The following AQR variants were observed in gnomAD, a reference collection of about 807,000 sequenced individuals.
The protein encoded by AQR is aquarius intron-binding spliceosomal factor.
AQR carries 61 observed loss-of-function variants against 180.5 expected under a neutral mutation model. The ratio of observed to expected loss-of-function variants is 0.34; its 90% CI spans 0.28 to 0.42. The LOEUF (loss-of-function observed/expected upper bound fraction) is 0.42, where lower values mean the gene tolerates loss of function less well. Ranked by LOEUF, AQR falls within the 10% of genes least tolerant of loss-of-function variation. The pLI is 1.00. For missense variants in AQR, 1,281 were observed against 1,798.3 expected, an observed-to-expected ratio of 0.71 and a Z score of 5.20; for synonymous variants, 551 against 588.8, an observed-to-expected ratio of 0.94 and a Z score of 0.93.
At chr15:34,924,435 CTT>C (rs1225763729) in intron 13 of AQR, among the ~76,000 whole-genome samples, 11 of 145,110 alleles carry the variant, frequency 7.6e-5, no homozygotes, top group Admixed American at 2.1e-4. Context: ...AATCAATATA[CTT>C]TTTTTTTTTT....
intron 16 of AQR, among the ~76,000 whole-genome samples, chr15:34,914,502 T>G (rs1223945061): frequency 1.3e-5 from 2 of 152,152 alleles, no homozygotes; most frequent in Non-Finnish European, 2.9e-5. Context: ...TTCCACAGAA[T>G]CTATGGGTAG....
In AQR at chr15:34,856,937, G is replaced by A. The variant is rs190121355; in HGVS notation, c.4313C>T (p.Thr1438Ile). Residue 1438 changes from threonine (T) to isoleucine (I), a missense_variant, in exon 35 of 35, where the codon ACC becomes ATC. Around this residue, in one of 9 missense-constraint regions of AQR, gnomAD observed 182 missense variants for 185.3 expected, o/e 0.98. Coordinates refer to ENST00000156471, the MANE Select transcript of AQR (RefSeq NM_014691.3). ...GGAAGTGGCTCCTGTCTCACTGGGG[G>A]TGGTGTCAGTTTGAAAGGCTGGAGT... ...QETPAFQTDT[T>I]PSETGATSTP... 6.4e-5 allele frequency: 103 copies of A among 1,614,108 alleles called. No individual in the cohort carries two copies. The highest frequency in any genetic ancestry group is 8.5e-5 in the Non-Finnish European group (100 of 1,179,994).
intron 23 of AQR, 32 bp downstream of exon 23, chr15:34,893,607 GCACACACACACACACACACACACA>G (rs386382691): frequency 1.8e-5 from 18 of 999,556 alleles, no homozygotes; most frequent in East Asian, 2.8e-5. Flanking sequence ...GCGCATGCGT[GCACACACACACACACACACACACA>G]CACACACACA....
At chr15:34,898,681 G>A (rs896480697) in intron 20 of AQR, among the ~76,000 whole-genome samples, 3 of 151,956 alleles carry the variant, frequency 2.0e-5, no homozygotes, top group East Asian at 1.9e-4. Flanking sequence ...TCAGGAGATC[G>A]AGACCATCCT....
intron 34 of AQR, among the ~76,000 whole-genome samples, chr15:34,859,539 C>G (rs1316373696): frequency 6.6e-6 from 1 of 152,148 alleles, no homozygotes; most frequent in African/African-American, 2.4e-5. Context: ...CCATTCCACT[C>G]TTAGGTATCT....
intron 20 of AQR, among the ~76,000 whole-genome samples, chr15:34,899,164 T>C (rs557153928): frequency 6.6e-6 from 1 of 151,272 alleles, no homozygotes; most frequent in Non-Finnish European, 1.5e-5. Flanking sequence ...AGAGCAAGAC[T>C]CCATCTCAAA....
chr15:34,892,157 C>T (rs1016768011), intron 23 of AQR, among the ~76,000 whole-genome samples: 15 of 152,116 alleles, frequency 9.9e-5, no homozygotes, highest in Non-Finnish European at 1.5e-5. Flanking sequence ...TAATATGCTT[C>T]AGGATGTTCT....
At chr15:34,893,336 T>C (rs908007697) in intron 23 of AQR, among the ~76,000 whole-genome samples, 1 of 152,040 alleles carries the variant, frequency 6.6e-6, no homozygotes, top group Non-Finnish European at 1.5e-5. Context: ...TTTCTAAATA[T>C]GGTCACTGCG....
chr15:34,915,440 T>TCACC (rs1893567655), intron 15 of AQR, among the ~76,000 whole-genome samples: 5 of 151,452 alleles, frequency 3.3e-5, no homozygotes, highest in Non-Finnish European at 5.9e-5. Flanking sequence ...TCTGCCCACC[T>TCACC]TGGCCTCCCA....
At chr15:34,913,202 T>C (rs1251370456) in intron 16 of AQR, among the ~76,000 whole-genome samples, 1 of 152,182 alleles carries the variant, frequency 6.6e-6, no homozygotes, top group African/African-American at 2.4e-5. Flanking sequence ...TCAATCCCTG[T>C]TACCAAACCC....
At position 34,856,753 on chromosome 15, in the gene AQR, T is replaced by C. The variant is rs754669333; in HGVS notation, c.*39A>G. On this transcript the variant is annotated 3_prime_UTR_variant, in exon 35 of 35. Transcript: ENST00000156471. The stretch of plus-strand genomic sequence containing the variant: ...CAAAAAACAGCTTTACTCAGACTTT[T>C]TGACTGCCATGTCCTCCTTTAGAAG... 1.4e-6 allele frequency: 2 copies of C among 1,437,972 alleles called. No homozygotes were observed. The highest frequency in any genetic ancestry group is 1.8e-6 in the Non-Finnish European group (2 of 1,088,428). 89.1% of individuals were successfully genotyped at this position (1,437,972 alleles called of 1,614,324 possible).
Position 34,904,441 on chromosome 15 carries a change from G to C in AQR, c.1896C>G (p.Asn632Lys). The C allele has an allele frequency of 1.2e-6, 2 of 1,612,000 alleles. No individual in the cohort carries two copies. Among genetic ancestry groups the C allele is most frequent in the Non-Finnish European group, 1.7e-6 (2 of 1,178,914 alleles). ...TATTGGTCATATCTTGTTGATACTG[G>C]TTTGGATCCAAAAACACTCTAAATG... ...SRTFRVFLDP[N>K]QYQQDMTNTI... Residue 632 changes from asparagine (N) to lysine (K), a missense_variant, in exon 19 of 35, where the codon AAC (asparagine) becomes AAG (lysine). By Grantham distance (94) the Asn-to-Lys change is moderately conservative. This residue lies in a region of AQR where 200 missense variants were observed against 293.4 expected (regional missense o/e 0.68). Transcript: ENST00000156471.
chr15:34,941,384 C>G (rs1348542118), intron 7 of AQR, among the ~76,000 whole-genome samples: 1 of 152,168 alleles, frequency 6.6e-6, no homozygotes, highest in Non-Finnish European at 1.5e-5. Flanking sequence ...ATGTCCACAT[C>G]AGCATATTCT....
At chr15:34,888,600 G>A (rs12593379) in intron 24 of AQR, among the ~76,000 whole-genome samples, 87,221 of 151,872 alleles carry the variant, frequency 0.57, 29,424 homozygotes, top group South Asian at 0.75. Flanking sequence ...ACGAGACTGA[G>A]GCAGGAGAAT....
At chr15:34,897,411 G>A (rs1369487392) in intron 21 of AQR, 148 bp downstream of exon 21, 14 of 885,792 alleles carry the variant, frequency 1.6e-5, no homozygotes, top group Non-Finnish European at 1.7e-5. Flanking sequence ...CAGTTATTCA[G>A]CTGACTGACA....
At chr15:34,859,996 T>C (rs375100319) in intron 34 of AQR, 46 bp downstream of exon 34, 205 of 1,048,580 alleles carry the variant, frequency 2.0e-4, no homozygotes, top group African/African-American at 6.6e-5. Context: ...AAAAAGAAAA[T>C]TATTTCTACA....
At chr15:34,873,158 A>G (rs868846895) in intron 30 of AQR, among the ~76,000 whole-genome samples, 5 of 152,042 alleles carry the variant, frequency 3.3e-5, no homozygotes, top group African/African-American at 4.8e-5. Flanking sequence ...GTTGTTTCTC[A>G]TTTCCAGAAT....
At chr15:34,961,024 A>G (rs1458388220) in intron 2 of AQR, among the ~76,000 whole-genome samples, 2 of 152,212 alleles carry the variant, frequency 1.3e-5, no homozygotes, top group Non-Finnish European at 2.9e-5. Flanking sequence ...AAAACAAATA[A>G]TAAAACAGAG....
At chr15:34,957,266 C>T (rs1482753574) in intron 3 of AQR, among the ~76,000 whole-genome samples, 1 of 152,076 alleles carries the variant, frequency 6.6e-6, no homozygotes, top group Non-Finnish European at 1.5e-5. Flanking sequence ...AAGCGATTCT[C>T]CTGCCTCAGT....
Sources: gnomAD v4.1 joint callset for allele counts (sites outside exome capture counted in the v4.1 genomes callset) on GRCh38, gnomAD v4.1.1 for gene constraint, gnomAD v4.1.1 regional missense constraint, MANE v1.5 for transcripts, NCBI Gene and HGNC (gene_info 2026-07-23, HGNC 2026-07-21) for gene names.